The following CNTN4 variants were observed in gnomAD, a reference collection of about 807,000 sequenced individuals.
CNTN4 encodes contactin-4.
In CNTN4, 77 loss-of-function variants were observed where a neutral mutation model predicts 122.5. The ratio of observed to expected loss-of-function variants is 0.63; its 90% CI spans 0.52 to 0.76. The LOEUF is 0.76. Among genes scored for constraint, CNTN4 ranks in the 30% least tolerant of loss-of-function variants. CNTN4 has a pLI of 0.00. For missense variants in CNTN4, 1,256 were observed against 1,259.1 expected (o/e 1.00, Z 0.04); for synonymous variants, 512 against 447.0 (o/e 1.15, Z -1.83).
At chr3:2,252,131 A>G (rs1363893964) in intron 2 of CNTN4, among the ~76,000 whole-genome samples, 1 of 152,052 alleles carries the variant, frequency 6.6e-6, no homozygotes, top group Non-Finnish European at 1.5e-5. Context: ...GATTTAATGA[A>G]TGAAGACATT....
At chr3:2,541,725 T>C (rs1346453154) in intron 3 of CNTN4, among the ~76,000 whole-genome samples, 2 of 152,270 alleles carry the variant, frequency 1.3e-5, no homozygotes, top group East Asian at 3.9e-4. Flanking sequence ...TACCAGAGTA[T>C]ATGTCAGATT....
chr3:2,452,568 A>G (rs931638483), intron 3 of CNTN4, among the ~76,000 whole-genome samples: 1 of 152,164 alleles, frequency 6.6e-6, no homozygotes, highest in Non-Finnish European at 1.5e-5. Context: ...CATTAGGTGG[A>G]GGAGGGCATG....
At chr3:2,253,323 C>T (rs1353517661) in intron 2 of CNTN4, among the ~76,000 whole-genome samples, 2 of 152,048 alleles carry the variant, frequency 1.3e-5, no homozygotes, top group Admixed American at 6.6e-5. Context: ...ATAAAAGTAG[C>T]CTTATAGCCT....
chr3:2,319,694 G>GT (rs1293721050), intron 2 of CNTN4, among the ~76,000 whole-genome samples: 2 of 152,152 alleles, frequency 1.3e-5, no homozygotes, highest in Non-Finnish European at 2.9e-5. Context: ...TGTGTTGACT[G>GT]TTTATGTTAT....
At chr3:2,931,100 A>G (rs1378820792) in intron 13 of CNTN4, among the ~76,000 whole-genome samples, 1 of 152,202 alleles carries the variant, frequency 6.6e-6, no homozygotes, top group South Asian at 2.1e-4. Flanking sequence ...TGTGCCTGCA[A>G]CATGCAGAAG....
chr3:2,967,929 G>A (rs1692496691), intron 13 of CNTN4, among the ~76,000 whole-genome samples: 1 of 150,834 alleles, frequency 6.6e-6, no homozygotes, highest in South Asian at 2.1e-4. Flanking sequence ...GCCGCCTTTG[G>A]TACTTCATGC....
chr3:2,361,705 C>A (rs917646361), intron 3 of CNTN4, among the ~76,000 whole-genome samples: 1 of 152,094 alleles, frequency 6.6e-6, no homozygotes, highest in Non-Finnish European at 1.5e-5. Flanking sequence ...ATATTTTCTA[C>A]CTAAAAAAGC....
intron 3 of CNTN4, among the ~76,000 whole-genome samples, chr3:2,534,323 T>G (rs13096177): frequency 0.12 from 17,986 of 152,256 alleles, 1,328 homozygotes; most frequent in Non-Finnish European, 0.18. Flanking sequence ...TTTCTACATA[T>G]GGCTAGCCAG....
chr3:2,543,941 G>A (rs948288150), intron 3 of CNTN4, among the ~76,000 whole-genome samples: 3 of 152,160 alleles, frequency 2.0e-5, no homozygotes, highest in Admixed American at 1.3e-4. Context: ...GTAAGGAAGC[G>A]ACAAGCCTCT....
chr3:2,786,226 G>A (rs1047013398), intron 6 of CNTN4, among the ~76,000 whole-genome samples: 1 of 152,082 alleles, frequency 6.6e-6, no homozygotes, highest in Admixed American at 6.6e-5. Context: ...GCTGGACAAG[G>A]ACCTGAGTGC....
intron 3 of CNTN4, among the ~76,000 whole-genome samples, chr3:2,485,300 C>T (rs546981723): frequency 3.9e-5 from 6 of 152,296 alleles, no homozygotes; most frequent in South Asian, 2.1e-4. Context: ...GGCGGGCACG[C>T]GGTGGCACGG....
At chr3:2,259,496 G>C (rs1303237857) in intron 2 of CNTN4, among the ~76,000 whole-genome samples, 1 of 152,158 alleles carries the variant, frequency 6.6e-6, no homozygotes, top group East Asian at 1.9e-4. Context: ...CCGAGACTGG[G>C]TAATTTATAA....
At chr3:2,531,705 A>G (rs1042856487) in intron 3 of CNTN4, among the ~76,000 whole-genome samples, 10 of 152,088 alleles carry the variant, frequency 6.6e-5, no homozygotes, top group African/African-American at 1.9e-4. Flanking sequence ...CCCCTGCTTT[A>G]TATTGTCTTT....
At chr3:2,294,646 A>G (rs557115601) in intron 2 of CNTN4, among the ~76,000 whole-genome samples, 1 of 152,090 alleles carries the variant, frequency 6.6e-6, no homozygotes, top group East Asian at 1.9e-4. Flanking sequence ...CAACAACAAC[A>G]AAAAAGAATA....
At chr3:2,250,741 C>T (rs531291469) in intron 2 of CNTN4, among the ~76,000 whole-genome samples, 1 of 151,860 alleles carries the variant, frequency 6.6e-6, no homozygotes, top group Non-Finnish European at 1.5e-5. Flanking sequence ...TTAAAACATA[C>T]TAAATGTTAT....
chr3:2,411,759 C>G (rs961357849), intron 3 of CNTN4, among the ~76,000 whole-genome samples: 5 of 152,044 alleles, frequency 3.3e-5, no homozygotes, highest in Non-Finnish European at 5.9e-5. Flanking sequence ...ATGTAAGTTT[C>G]AAATTTTTGT....
intron 12 of CNTN4, among the ~76,000 whole-genome samples, chr3:2,914,366 A>G (rs2094332633): frequency 6.6e-6 from 1 of 152,178 alleles, no homozygotes; most frequent in African/African-American, 2.4e-5. Flanking sequence ...TGTAAACAAG[A>G]GTTGATTTTT....
At chr3:2,190,004 C>T (rs776129110) in intron 2 of CNTN4, among the ~76,000 whole-genome samples, 1 of 152,144 alleles carries the variant, frequency 6.6e-6, no homozygotes, top group Non-Finnish European at 1.5e-5. Flanking sequence ...TGAACAAGTG[C>T]TGTGAGACTC....
chr3:2,576,117 G>A (rs918891284), intron 4 of CNTN4, among the ~76,000 whole-genome samples: 3 of 152,058 alleles, frequency 2.0e-5, no homozygotes, highest in African/African-American at 7.2e-5. Context: ...TTACAGGCGT[G>A]AGCCACCACG....
Sources: gnomAD v4.1 joint callset for allele counts (sites outside exome capture counted in the v4.1 genomes callset) on GRCh38, gnomAD v4.1.1 for gene constraint, MANE v1.5 for transcripts, NCBI Gene and HGNC (gene_info 2026-07-23, HGNC 2026-07-21) for gene names.